Variants in LRRC8D observed in about 807,000 individuals in gnomAD.
LRRC8D encodes the protein leucine rich repeat containing 8 VRAC subunit D, also known as volume-regulated anion channel subunit LRRC8D.
A neutral mutation model predicts 55.8 loss-of-function variants in LRRC8D; 20 were observed. That is an observed-to-expected ratio of 0.36 (90% confidence interval 0.25 to 0.52). The LOEUF (loss-of-function observed/expected upper bound fraction) is 0.52. LRRC8D is among the 20% of genes least tolerant of loss of function. The probability of loss-of-function intolerance (pLI) is 0.93; values close to 1 mark genes in which losing one functional copy is unlikely to be tolerated. For synonymous variants in LRRC8D, 352 were observed against 377.0 expected (o/e 0.93, Z 0.77); for missense variants, 651 against 1,030.8 (o/e 0.63, Z 5.05).
At chr1:89,919,544 C>G (rs1217245642) in intron 2 of LRRC8D, among the ~76,000 whole-genome samples, 1 of 152,138 alleles carries the variant, frequency 6.6e-6, no homozygotes, top group Non-Finnish European at 1.5e-5. Flanking sequence ...TCTAAGATGT[C>G]CATTTTGCAG....
intron 2 of LRRC8D, among the ~76,000 whole-genome samples, chr1:89,868,017 A>G (rs1327233360): frequency 6.6e-6 from 1 of 152,192 alleles, no homozygotes; most frequent in Non-Finnish European, 1.5e-5. Flanking sequence ...TTTCAGGAAC[A>G]TACTAAATGG....
At chr1:89,868,318 C>T (rs1374165271) in intron 2 of LRRC8D, among the ~76,000 whole-genome samples, 3 of 152,074 alleles carry the variant, frequency 2.0e-5, no homozygotes, top group Non-Finnish European at 4.4e-5. Context: ...TAATGATTCC[C>T]ACAGGAAACA....
chr1:89,935,425 G>C lies in LRRC8D; in HGVS notation c.2357G>C (p.Cys786Ser), dbSNP rs151217773. Residue 786 changes from cysteine (C) to serine (S), a missense_variant, in exon 3 of 3, where the codon TGC becomes TCC. Transcript: ENST00000337338. ...AGGACTTTGAATCTGGGACAGAACT[G>C]CATCACCTCACTCCCAGAGAAAGTT... Reference protein sequence around the residue: ...KLRTLNLGQNCITSLPEKVGQ... With the variant: ...KLRTLNLGQNSITSLPEKVGQ... 2.0e-4 allele frequency: 319 copies of C among 1,614,208 alleles called. 2 individuals are homozygous for C. The African/African-American group carries it at 3.8e-3, about 19-fold the overall frequency.
rs1429085067 is a variant in LRRC8D at position 89,934,488 on chromosome 1, T to G, written c.1420T>G (p.Leu474Val). 5 of 1,613,784 alleles carry G rather than the reference T, an allele frequency of 3.1e-6. No individual in the cohort carries two copies. The highest frequency in any genetic ancestry group is 4.2e-6 in the Non-Finnish European group (5 of 1,179,990). ...ACGCAACGCCCAGGACAAGCAGGAGTTGCATCTGTTCATGCTGTCGGGGGT... is the reference window on the plus strand; with the variant it reads ...ACGCAACGCCCAGGACAAGCAGGAGGTGCATCTGTTCATGCTGTCGGGGGT... ...ISRNAQDKQE[L>V]HLFMLSGVPD... The change falls in exon 3 of 3, where the codon TTG becomes GTG. Residue 474 changes from leucine (L) to valine (V), a missense_variant. Transcript: ENST00000337338. This position sits in a 1 kb window ranked among gnomAD's most constrained non-coding sequence, Gnocchi z 5.9.
At position 89,821,134 on chromosome 1, in the gene LRRC8D, G is replaced by C. The variant is rs1660617719; in HGVS notation, c.-305G>C. On this transcript the variant is annotated 5_prime_UTR_variant, in exon 1 of 3. Transcript: ENST00000337338. Reference sequence around the variant, plus strand: ...CCCCGGCTCCTCCGCCGCGCTTCGAGGTGGCAGCCGCGGGCGGGGCCGCGG... The same window carrying C: ...CCCCGGCTCCTCCGCCGCGCTTCGACGTGGCAGCCGCGGGCGGGGCCGCGG... 1 of 152,648 alleles carries C rather than the reference G, an allele frequency of 6.6e-6. No homozygotes were observed. The highest frequency in any genetic ancestry group is 6.6e-5 in the Admixed American group (1 of 15,240). 9.5% of individuals were successfully genotyped at this position (152,648 alleles called of 1,614,324 possible). A position where few individuals can be genotyped will look rare whatever the true frequency, so the allele number is the denominator to read the frequency against.
intron 2 of LRRC8D, among the ~76,000 whole-genome samples, chr1:89,867,813 T>C (rs1279967647): frequency 6.6e-6 from 1 of 152,242 alleles, no homozygotes; most frequent in African/African-American, 2.4e-5. Context: ...TTAAAATGTT[T>C]TCCTTAAAAT....
chr1:89,918,553 C>A (rs961157663), intron 2 of LRRC8D, among the ~76,000 whole-genome samples: 1 of 152,228 alleles, frequency 6.6e-6, no homozygotes, highest in African/African-American at 2.4e-5. Flanking sequence ...TTTTATATCA[C>A]CTTTTATGTG....
chr1:89,860,785 A>ATATATATAT (rs59411711), intron 2 of LRRC8D, among the ~76,000 whole-genome samples: 2 of 28,198 alleles, frequency 7.1e-5, no homozygotes, highest in Non-Finnish European at 1.4e-4. Flanking sequence ...AAAAAAAAAA[A>ATATATATAT]ATATATATAT....
At chr1:89,873,677 A>G (rs1283686910) in intron 2 of LRRC8D, among the ~76,000 whole-genome samples, 1 of 152,254 alleles carries the variant, frequency 6.6e-6, no homozygotes, top group East Asian at 1.9e-4. Flanking sequence ...TATTTTATTG[A>G]ATCAAATTTA....
At chr1:89,884,828 G>A (rs550185441) in intron 2 of LRRC8D, among the ~76,000 whole-genome samples, 4 of 152,232 alleles carry the variant, frequency 2.6e-5, no homozygotes, top group South Asian at 4.2e-4. Flanking sequence ...GTTGGATCTT[G>A]GCATCAGGAA....
chr1:89,926,752 G>T (rs1663574106), intron 2 of LRRC8D, among the ~76,000 whole-genome samples: 1 of 152,168 alleles, frequency 6.6e-6, no homozygotes, highest in Admixed American at 6.5e-5. Context: ...TAGAGATCTT[G>T]TATAGGAAAG....
intron 2 of LRRC8D, among the ~76,000 whole-genome samples, chr1:89,898,350 G>A (rs556533231): frequency 2.0e-5 from 3 of 152,292 alleles, no homozygotes; most frequent in African/African-American, 7.2e-5. Flanking sequence ...ATGGGGAAGG[G>A]AAGGAAAGCG....
In LRRC8D at chr1:89,883,744, T is replaced by C. The variant is rs116701678; in HGVS notation, c.-3+39962T>C. Among the ~76,000 whole-genome samples, 1,467 of 152,306 alleles carry C rather than the reference T, an allele frequency of 9.6e-3. 17 individuals are homozygous for C. The highest frequency in any genetic ancestry group is 0.034 in the African/African-American group (1,397 of 41,558). ...TAACATGTTGTTCAAGTGGTATAATTGACATATTGATGATCAGACAGAAAA... is the reference window on the plus strand; with the variant it reads ...TAACATGTTGTTCAAGTGGTATAATCGACATATTGATGATCAGACAGAAAA... On this transcript the variant is annotated intron_variant, in intron 2 of 2. Transcript: ENST00000337338.
intron 2 of LRRC8D, among the ~76,000 whole-genome samples, chr1:89,848,974 A>G (rs775686299): frequency 6.6e-5 from 10 of 152,102 alleles, no homozygotes; most frequent in African/African-American, 1.2e-4. Context: ...CTGGGATTAC[A>G]CGCATGAGCC....
chr1:89,881,632 A>G (rs1662285646), intron 2 of LRRC8D, among the ~76,000 whole-genome samples: 1 of 152,182 alleles, frequency 6.6e-6, no homozygotes, highest in Non-Finnish European at 1.5e-5. Context: ...GAAGGAAGGA[A>G]GTGTTTATAG....
chr1:89,864,246 ATTTTTGTT>A (rs1661789746), intron 2 of LRRC8D, among the ~76,000 whole-genome samples: 1 of 152,144 alleles, frequency 6.6e-6, no homozygotes, highest in African/African-American at 2.4e-5. Flanking sequence ...AGTCAGTAGC[ATTTTTGTT>A]TTTTTGTTTT....
intron 2 of LRRC8D, among the ~76,000 whole-genome samples, chr1:89,859,956 T>G (rs1176047790): frequency 6.6e-6 from 1 of 152,242 alleles, no homozygotes; most frequent in Non-Finnish European, 1.5e-5. Context: ...TAACTCTAGA[T>G]GAAGAATCAG....
At chr1:89,886,745 C>T (rs1168011416) in intron 2 of LRRC8D, among the ~76,000 whole-genome samples, 1 of 151,938 alleles carries the variant, frequency 6.6e-6, no homozygotes, top group Non-Finnish European at 1.5e-5. Context: ...ATGATAACCT[C>T]GAAGAAAACT....
chr1:89,845,660 C>T (rs930260482), intron 2 of LRRC8D, among the ~76,000 whole-genome samples: 3 of 152,104 alleles, frequency 2.0e-5, no homozygotes, highest in Admixed American at 6.5e-5. Context: ...TGGTCTCGAA[C>T]TCCTAACCTC....
Sources: allele counts gnomAD v4.1 joint callset (sites outside exome capture counted in the v4.1 genomes callset), GRCh38; gene constraint gnomAD v4.1.1; non-coding constraint Gnocchi (gnomAD v3.1); transcripts MANE v1.5; gene names NCBI Gene and HGNC (gene_info 2026-07-23, HGNC 2026-07-21).